ZCCHC7: variants seen among roughly 807,000 people sequenced by gnomAD.
The protein encoded by ZCCHC7 is zinc finger CCHC-type containing 7.
A neutral mutation model predicts 52.0 loss-of-function variants in ZCCHC7; 35 were observed. The ratio of observed to expected loss-of-function variants is 0.67; its 90% CI spans 0.51 to 0.89. The LOEUF is 0.89. ZCCHC7 is among the 40% of genes least tolerant of loss of function. The probability of loss-of-function intolerance (pLI) is 0.00; values close to 1 mark genes in which losing one functional copy is unlikely to be tolerated. For synonymous variants in ZCCHC7, 217 were observed against 221.5 expected (o/e 0.98, Z 0.18); for missense variants, 574 against 649.1 (o/e 0.88, Z 1.26).
intron 2 of ZCCHC7, among the ~76,000 whole-genome samples, chr9:37,261,224 G>A (rs1400509774): frequency 1.3e-5 from 2 of 152,030 alleles, no homozygotes; most frequent in African/African-American, 4.8e-5. Flanking sequence ...TCTTCTTTAA[G>A]ACGTCAACAG....
chr9:37,267,273 A>C (rs895759388), intron 2 of ZCCHC7, among the ~76,000 whole-genome samples: 2 of 152,192 alleles, frequency 1.3e-5, no homozygotes, highest in Non-Finnish European at 2.9e-5. Flanking sequence ...AAAACAGTAT[A>C]CTCAGCCCTA....
chr9:37,222,758 CTA>C (rs1824891047), intron 2 of ZCCHC7, among the ~76,000 whole-genome samples: 1 of 152,020 alleles, frequency 6.6e-6, no homozygotes, highest in Non-Finnish European at 1.5e-5. Flanking sequence ...AACCCACAAA[CTA>C]TGTGATTAAT....
chr9:37,333,428 C>T (rs1830525658), intron 6 of ZCCHC7, among the ~76,000 whole-genome samples: 1 of 151,586 alleles, frequency 6.6e-6, no homozygotes, highest in Non-Finnish European at 1.5e-5. Flanking sequence ...GAAAAAGTCC[C>T]TGTGCTTTTT....
At chr9:37,211,460 A>AT (rs1824209329) in intron 2 of ZCCHC7, among the ~76,000 whole-genome samples, 1 of 152,176 alleles carries the variant, frequency 6.6e-6, no homozygotes, top group African/African-American at 2.4e-5. Flanking sequence ...TTCCATCTTT[A>AT]TCATCAAATA....
chr9:37,124,092 G>A (rs1427634001), intron 1 of ZCCHC7, among the ~76,000 whole-genome samples: 1 of 152,104 alleles, frequency 6.6e-6, no homozygotes, highest in African/African-American at 2.4e-5. Flanking sequence ...CAACACCCTG[G>A]TATTTTTGGG....
Position 37,225,697 on chromosome 9 carries a change from A to G in ZCCHC7, c.611-76491A>G, listed in dbSNP as rs566970824. Among the ~76,000 whole-genome samples the G allele has an allele frequency of 1.2e-4, 18 of 152,364 alleles. 1 individual carries two copies. The South Asian group carries it at 2.3e-3, about 19-fold the overall frequency. On this transcript the variant is annotated intron_variant, in intron 2 of 8. Transcript: ENST00000336755. The stretch of plus-strand genomic sequence containing the variant: ...TAACAGGAAAAAAATGTTTTCCTCA[A>G]TAGATGCAGATAAAGCATTTTACAA...
chr9:37,216,272 A>G (rs1356236577), intron 2 of ZCCHC7, among the ~76,000 whole-genome samples: 1 of 152,210 alleles, frequency 6.6e-6, no homozygotes, highest in Non-Finnish European at 1.5e-5. Flanking sequence ...TGTGAGCATG[A>G]AAGGAAATAG....
In ZCCHC7 at chr9:37,348,343, G is replaced by GTTCTTTCTTTCTTTCTTTCTTTCT. The variant is rs768829753; in HGVS notation, c.988-1011_988-1010insTTTCTTTCTTTCTTTCTTTCTTTC. On this transcript the variant is annotated intron_variant, in intron 6 of 8. Transcript: ENST00000336755. Reference sequence around the variant, plus strand: ...TCTTTTCAATGACCAAGTGATACCAGTTCGTTCTTTCTTTCTTTCTTTCTT... The same window carrying GTTCTTTCTTTCTTTCTTTCTTTCT: ...TCTTTTCAATGACCAAGTGATACCAGTTCTTTCTTTCTTTCTTTCTTTCTTTCGTTCTTTCTTTCTTTCTTTCTT... Among the ~76,000 whole-genome samples, 800 of 100,024 alleles carry GTTCTTTCTTTCTTTCTTTCTTTCT rather than the reference G, an allele frequency of 8.0e-3. 11 individuals carry two copies. The highest frequency in any genetic ancestry group is 0.025 in the African/African-American group (764 of 30,142). 65.6% of individuals were successfully genotyped at this position (100,024 alleles called of 152,430 possible).
chr9:37,348,415 T>G (rs1174265712), intron 6 of ZCCHC7, among the ~76,000 whole-genome samples: 2 of 145,422 alleles, frequency 1.4e-5, no homozygotes, highest in East Asian at 4.0e-4. Flanking sequence ...GTCTCGCTTT[T>G]GTCGCTCAGG....
intron 2 of ZCCHC7, among the ~76,000 whole-genome samples, chr9:37,164,649 A>G (rs924603005): frequency 6.6e-6 from 1 of 152,140 alleles, no homozygotes; most frequent in African/African-American, 2.4e-5. Flanking sequence ...TGGCATGATC[A>G]TGGCTTACTG....
In ZCCHC7 at chr9:37,354,436, A is replaced by G. The variant is rs548121156; in HGVS notation, c.1084-274A>G. Among the ~76,000 whole-genome samples the G allele has an allele frequency of 8.5e-5, 13 of 152,342 alleles. No homozygotes were observed. Among genetic ancestry groups the G allele is most frequent in the Admixed American group, 7.8e-4 (12 of 15,304 alleles). ...CAAGGCTGCTACCTCAGACTGTGAA[A>G]GGAGTTAGGCAGAAAAGGCTGAAAA... On this transcript the variant is annotated intron_variant, in intron 7 of 8. Coordinates refer to ENST00000336755, the MANE Select transcript of ZCCHC7 (RefSeq NM_032226.3). The surrounding 1 kb of genome is among the most constrained non-coding windows in gnomAD (Gnocchi z 4.0).
chr9:37,317,106 A>G (rs1228868841), intron 5 of ZCCHC7, among the ~76,000 whole-genome samples: 1 of 152,138 alleles, frequency 6.6e-6, no homozygotes, highest in African/African-American at 2.4e-5. Context: ...AATAGTTCAC[A>G]CTCAATTTGA....
intron 2 of ZCCHC7, among the ~76,000 whole-genome samples, chr9:37,234,348 G>A (rs1391514714): frequency 6.6e-6 from 1 of 152,194 alleles, no homozygotes; most frequent in Non-Finnish European, 1.5e-5. Context: ...AAATGGCTTT[G>A]GGTACTTTTG....
intron 2 of ZCCHC7, among the ~76,000 whole-genome samples, chr9:37,274,487 G>A (rs1005234908): frequency 6.6e-6 from 1 of 151,496 alleles, no homozygotes; most frequent in South Asian, 2.1e-4. Flanking sequence ...TCACAGGTGC[G>A]TGCCACCATG....
At chr9:37,236,277 C>T (rs1825644504) in intron 2 of ZCCHC7, among the ~76,000 whole-genome samples, 1 of 152,060 alleles carries the variant, frequency 6.6e-6, no homozygotes, top group Non-Finnish European at 1.5e-5. Flanking sequence ...GGGAAGATAA[C>T]TTTATTGTAT....
rs1821750990 is a variant in ZCCHC7 at position 37,357,090 on chromosome 9, G to C, written c.1454G>C (p.Ser485Thr). Residue 485 changes from serine to threonine, a missense_variant, in exon 9 of 9, where the codon AGT (serine) becomes ACT (threonine). Physicochemically the swap from Ser to Thr is moderately conservative, Grantham distance 58. Around this residue, in one of 3 missense-constraint regions of ZCCHC7, gnomAD observed 168 missense variants for 171.6 expected, o/e 0.98. Coordinates refer to ENST00000336755, the MANE Select transcript of ZCCHC7 (RefSeq NM_032226.3). ...RGPKTYSSPG[S>T]FKTQKPSKPF... ...CCCAAAACCTACTCTTCTCCTGGCA[G>C]TTTTAAAACCCAGAAGCCTTCTAAG... The C allele has an allele frequency of 6.2e-7, 1 of 1,613,784 alleles. No homozygotes were observed. Among genetic ancestry groups the C allele is most frequent in the Non-Finnish European group, 8.5e-7 (1 of 1,179,932 alleles).
chr9:37,225,228 T>A (rs1825032931), intron 2 of ZCCHC7, among the ~76,000 whole-genome samples: 1 of 152,156 alleles, frequency 6.6e-6, no homozygotes, highest in Non-Finnish European at 1.5e-5. Context: ...TTAGATGAAA[T>A]GGACAAATTC....
chr9:37,331,382 C>T (rs1340721922), intron 6 of ZCCHC7, among the ~76,000 whole-genome samples: 1 of 151,484 alleles, frequency 6.6e-6, no homozygotes, highest in Non-Finnish European at 1.5e-5. Flanking sequence ...CCTGGAAATA[C>T]CCATTTAGAA....
At chr9:37,310,319 G>GAGA (rs1314443100) in intron 5 of ZCCHC7, among the ~76,000 whole-genome samples, 1 of 152,144 alleles carries the variant, frequency 6.6e-6, no homozygotes, top group Non-Finnish European at 1.5e-5. Context: ...TAAATATACA[G>GAGA]AGAATTTTTA....
Sources: allele counts gnomAD v4.1 joint callset (sites outside exome capture counted in the v4.1 genomes callset), GRCh38; gene constraint gnomAD v4.1.1; regional missense constraint gnomAD v4.1.1; non-coding constraint Gnocchi (gnomAD v3.1); transcripts MANE v1.5; gene names NCBI Gene and HGNC (gene_info 2026-07-23, HGNC 2026-07-21).